The following RANBP9 variants were observed in gnomAD, a reference collection of about 807,000 sequenced individuals.
The protein encoded by RANBP9 is ran-binding protein 9.
RANBP9 carries 15 observed loss-of-function variants against 84.3 expected under a neutral mutation model. The observed-to-expected ratio is 0.18, with a 90% CI of 0.12 to 0.27. The LOEUF is 0.27. RANBP9 is among the 10% of genes least tolerant of loss of function. The pLI is 1.00. For missense variants in RANBP9, 809 were observed against 912.8 expected (o/e 0.89, Z 1.46); for synonymous variants, 392 against 349.6 (o/e 1.12, Z -1.35).
At chr6:13,666,829 AACACC>A (rs1765661347) in intron 2 of RANBP9, among the ~76,000 whole-genome samples, 1 of 152,018 alleles carries the variant, frequency 6.6e-6, no homozygotes, top group Admixed American at 6.6e-5. Context: ...TACCTTGAAA[AACACC>A]TAAGTTTATG....
chr6:13,628,880 T>C (rs1362066686), intron 12 of RANBP9, among the ~76,000 whole-genome samples: 1 of 152,194 alleles, frequency 6.6e-6, no homozygotes, highest in African/African-American at 2.4e-5. Flanking sequence ...CTGGTAAAAG[T>C]TGGTAAAGGG....
intron 2 of RANBP9, among the ~76,000 whole-genome samples, chr6:13,695,401 G>GTTTT (rs773285024): frequency 1.5e-4 from 13 of 84,810 alleles, no homozygotes; most frequent in African/African-American, 5.3e-4. Context: ...CCAACCAAAT[G>GTTTT]TTTTTTTTTT....
At chr6:13,667,669 T>C (rs1413111971) in intron 2 of RANBP9, among the ~76,000 whole-genome samples, 1 of 152,130 alleles carries the variant, frequency 6.6e-6, no homozygotes, top group African/African-American at 2.4e-5. Context: ...CAATTCCCTA[T>C]TGTAACACAA....
chr6:13,689,140 G>C (rs992091227), intron 2 of RANBP9, among the ~76,000 whole-genome samples: 5 of 152,112 alleles, frequency 3.3e-5, no homozygotes, highest in African/African-American at 9.6e-5. Flanking sequence ...CTGGGTGACA[G>C]AGCAAGACTC....
At chr6:13,648,306 C>G (rs1230851705) in intron 5 of RANBP9, among the ~76,000 whole-genome samples, 2 of 152,040 alleles carry the variant, frequency 1.3e-5, no homozygotes, top group Non-Finnish European at 2.9e-5. Flanking sequence ...TGCCACCACT[C>G]CTGGCTAATT....
intron 2 of RANBP9, among the ~76,000 whole-genome samples, chr6:13,678,866 C>T (rs749715624): frequency 2.6e-5 from 4 of 152,090 alleles, no homozygotes; most frequent in Non-Finnish European, 5.9e-5. Context: ...GTATCCAACA[C>T]CTACATTCTT....
At chr6:13,702,845 C>T (rs910201852) in intron 1 of RANBP9, among the ~76,000 whole-genome samples, 1 of 152,140 alleles carries the variant, frequency 6.6e-6, no homozygotes, top group East Asian at 1.9e-4. Flanking sequence ...CTTTCATTTA[C>T]TCTTTCAACC....
At chr6:13,685,335 T>G (rs1287784283) in intron 2 of RANBP9, among the ~76,000 whole-genome samples, 3 of 152,176 alleles carry the variant, frequency 2.0e-5, no homozygotes, top group African/African-American at 7.2e-5. Flanking sequence ...TTTAATCTCA[T>G]AGAAGAATGC....
chr6:13,657,355 A>C (rs888807960), intron 3 of RANBP9, 79 bp from the exon 4 acceptor site: 34 of 1,230,286 alleles, frequency 2.8e-5, no homozygotes, highest in Non-Finnish European at 3.8e-5. Context: ...GATTATGATA[A>C]ATCAGAACAG....
At chr6:13,669,232 TAAATGG>T (rs1765720270) in intron 2 of RANBP9, among the ~76,000 whole-genome samples, 1 of 152,094 alleles carries the variant, frequency 6.6e-6, no homozygotes, top group African/African-American at 2.4e-5. Context: ...AACTGCTAAG[TAAATGG>T]AAAGACTCCC....
At chr6:13,638,559 G>C (rs553719693) in intron 9 of RANBP9, among the ~76,000 whole-genome samples, 1 of 152,108 alleles carries the variant, frequency 6.6e-6, no homozygotes, top group East Asian at 1.9e-4. Flanking sequence ...GGCTGGGCAC[G>C]GTAGCTCACA....
intron 5 of RANBP9, among the ~76,000 whole-genome samples, chr6:13,647,202 GCAT>G (rs1460419985): frequency 1.3e-5 from 2 of 152,096 alleles, no homozygotes; most frequent in East Asian, 3.8e-4. Flanking sequence ...ATGTCTTGTA[GCAT>G]TATTTGTAAC....
In RANBP9 at chr6:13,632,450, A is replaced by C. The variant is rs745817776; in HGVS notation, c.1867T>G (p.Phe623Val). 1 of 1,613,906 alleles carries C rather than the reference A, an allele frequency of 6.2e-7. No individual in the cohort carries two copies. The highest frequency in any genetic ancestry group is 8.5e-7 in the Non-Finnish European group (1 of 1,179,920). Reference sequence around the variant, plus strand: ...CTCATTGCTTGCAGCTCTCGTCCAAAGTGGATCATTCTTTCTATGGCGGCC... The same window carrying C: ...CTCATTGCTTGCAGCTCTCGTCCAACGTGGATCATTCTTTCTATGGCGGCC... ...SQAAIERMIH[F>V]GRELQAMSEQ... The change falls in exon 12 of 14, where the codon TTT becomes GTT. Residue 623 changes from phenylalanine (F) to valine (V), a missense_variant. By Grantham distance (50) the Phe-to-Val change is conservative. This residue lies in a region of RANBP9 where 233 missense variants were observed against 234.4 expected (regional missense o/e 0.99). Transcript: ENST00000011619.
At chr6:13,686,416 A>T (rs937481100) in intron 2 of RANBP9, among the ~76,000 whole-genome samples, 1 of 151,422 alleles carries the variant, frequency 6.6e-6, no homozygotes, top group Non-Finnish European at 1.5e-5. Context: ...CTCCCAAGTA[A>T]CTGGGTACAG....
intron 6 of RANBP9, 110 bp from the exon 7 acceptor site, chr6:13,642,701 C>A: frequency 1.6e-6 from 1 of 619,782 alleles, no homozygotes. Flanking sequence ...GAACCTATTT[C>A]CTTGAAACAA....
intron 2 of RANBP9, among the ~76,000 whole-genome samples, chr6:13,676,059 C>T (rs957328024): frequency 6.6e-6 from 1 of 151,938 alleles, no homozygotes; most frequent in African/African-American, 2.4e-5. Flanking sequence ...ATTGTAGTGT[C>T]AAAATAAACT....
chr6:13,711,526 C>A lies in RANBP9; in HGVS notation c.-21G>T. On this transcript the variant is annotated 5_prime_UTR_variant, in exon 1 of 14. Transcript: ENST00000011619. ...GACATCCCGGCCGCGACTCAGCCTGCGGCCACCTCCACCTCTTCTCTCCTT... is the reference window on the plus strand; with the variant it reads ...GACATCCCGGCCGCGACTCAGCCTGAGGCCACCTCCACCTCTTCTCTCCTT... 8.0e-7 allele frequency: 1 copy of A among 1,244,370 alleles called. No homozygotes were observed. The highest frequency in any genetic ancestry group is 3.1e-5 in the East Asian group (1 of 31,882). 77.1% of individuals were successfully genotyped at this position (1,244,370 alleles called of 1,614,324 possible).
At chr6:13,674,531 A>C (rs1366367497) in intron 2 of RANBP9, among the ~76,000 whole-genome samples, 1 of 152,214 alleles carries the variant, frequency 6.6e-6, no homozygotes, top group Admixed American at 6.5e-5. Flanking sequence ...TGCAAACAGC[A>C]AACTGTTTCT....
chr6:13,693,969 G>T (rs1441256069), intron 2 of RANBP9, among the ~76,000 whole-genome samples: 1 of 152,122 alleles, frequency 6.6e-6, no homozygotes, highest in African/African-American at 2.4e-5. Context: ...CTTGAACCCG[G>T]GAGGCAGAGG....
Sources: allele counts gnomAD v4.1 joint callset (sites outside exome capture counted in the v4.1 genomes callset), GRCh38; gene constraint gnomAD v4.1.1; regional missense constraint gnomAD v4.1.1; transcripts MANE v1.5; gene names NCBI Gene and HGNC (gene_info 2026-07-23, HGNC 2026-07-21).